The following S100Z variants were observed in gnomAD, a reference collection of about 807,000 sequenced individuals.
The protein encoded by S100Z is protein S100-Z.
In S100Z, 11 loss-of-function variants were observed where a neutral mutation model predicts 8.5. That is an observed-to-expected ratio of 1.30 (90% CI 0.82 to 2.15). The LOEUF is 2.15. Among genes scored for constraint, S100Z ranks in the 30% most tolerant of loss-of-function variants. The pLI is 0.00. For synonymous variants in S100Z, 34 were observed against 43.8 expected (o/e 0.78, Z 0.89); for missense variants, 126 against 117.9 (o/e 1.07, Z -0.32).
rs1323158236 is a variant in S100Z, at chr5:76,920,880, T to C, written c.*166T>C. 1 of 152,198 alleles carries C rather than the reference T, an allele frequency of 6.6e-6. No homozygotes were observed. The highest frequency in any genetic ancestry group is 1.5e-5 in the Non-Finnish European group (1 of 68,032). The allele number at this position is 152,198 out of a possible 1,614,324, so 9.4% of individuals were successfully genotyped here. ...GCTGCTTGAGCCCTTCCCATGCTCA[T>C]AAATTAGGTAAGGAGCAGTGAGGAA... On this transcript the variant is annotated 3_prime_UTR_variant, in exon 5 of 5. Transcript: ENST00000317593.
chr5:76,937,701 C>T, the S100Z span, among the ~76,000 whole-genome samples: 1 of 130,644 alleles, frequency 7.7e-6, no homozygotes, highest in South Asian at 2.5e-4. Flanking sequence ...TGCAGTAAGC[C>T]ATGATTGCGC....
At chr5:76,934,281 A>C in the S100Z span, among the ~76,000 whole-genome samples, 1 of 152,206 alleles carries the variant, frequency 6.6e-6, no homozygotes, top group Non-Finnish European at 1.5e-5. Context: ...CTTCTAAACG[A>C]TAATCCTTGT....
the S100Z span, among the ~76,000 whole-genome samples, chr5:76,945,534 C>T: frequency 4.6e-5 from 7 of 152,326 alleles, no homozygotes; most frequent in South Asian, 4.1e-4. Flanking sequence ...CGCCCTGTGG[C>T]GGGAGGCGAG....
chr5:76,886,210 G>A (rs1389096085), intron 4 of S100Z, among the ~76,000 whole-genome samples: 2 of 152,206 alleles, frequency 1.3e-5, no homozygotes, highest in African/African-American at 2.4e-5. Flanking sequence ...TGAATAATCA[G>A]GCAGGCGACC....
At chr5:76,860,304 T>C (rs1392923318) in intron 1 of S100Z, among the ~76,000 whole-genome samples, 1 of 152,176 alleles carries the variant, frequency 6.6e-6, no homozygotes, top group African/African-American at 2.4e-5. Flanking sequence ...CCAGCAACTT[T>C]CACCTCATCT....
rs917810234 is a variant in S100Z at position 76,897,194 on chromosome 5, T to C, written c.*2+19360T>C. Among the ~76,000 whole-genome samples, 49 of 152,220 alleles carry C rather than the reference T, an allele frequency of 3.2e-4. 1 individual carries two copies. Among genetic ancestry groups the C allele is most frequent in the African/African-American group, 1.1e-3 (47 of 41,536 alleles). ...TTGGCCGGGTGCGGTGGCTCATGCT[T>C]GTAATCCCAGCACTTTGGGAGGCTG... On this transcript the variant is annotated intron_variant, in intron 4 of 4. Coordinates refer to ENST00000317593, the MANE Select transcript of S100Z (RefSeq NM_130772.4).
At chr5:76,879,694 C>G (rs1221737895) in intron 4 of S100Z, among the ~76,000 whole-genome samples, 1 of 152,014 alleles carries the variant, frequency 6.6e-6, no homozygotes, top group South Asian at 2.1e-4. Context: ...GAAGAAGAAA[C>G]GTCTGACAGT....
chr5:76,863,119 G>C (rs1751114071), intron 1 of S100Z, among the ~76,000 whole-genome samples: 1 of 152,208 alleles, frequency 6.6e-6, no homozygotes, highest in South Asian at 2.1e-4. Context: ...AGAGACATCT[G>C]ACTTTCCTGG....
the S100Z span, among the ~76,000 whole-genome samples, chr5:76,943,292 TC>T: frequency 4.6e-5 from 7 of 152,208 alleles, no homozygotes; most frequent in Non-Finnish European, 1.0e-4. Context: ...CATAGTGGCT[TC>T]CTGGTAGCTG....
Position 76,905,634 on chromosome 5 carries a change from G to A in S100Z, c.*3-15083G>A, listed in dbSNP as rs1257881259. Among the ~76,000 whole-genome samples, 4 of 152,056 alleles carry A rather than the reference G, an allele frequency of 2.6e-5. No homozygotes were observed. In the East Asian group the frequency reaches 5.8e-4, roughly 22 times the overall value. On this transcript the variant is annotated intron_variant, in intron 4 of 4. Coordinates refer to ENST00000317593, the MANE Select transcript of S100Z (RefSeq NM_130772.4). The stretch of plus-strand genomic sequence containing the variant: ...TCACCACGTTATCCAGGATGGTCTC[G>A]ATCTCCTGACCTCGTGATCTGCCTA...
chr5:76,952,007 T>G, the S100Z span, among the ~76,000 whole-genome samples: 1 of 152,218 alleles, frequency 6.6e-6, no homozygotes, highest in Admixed American at 6.5e-5. Context: ...GTAATAATTG[T>G]AATAACAATG....
chr5:76,854,322 G>T (rs1750816947), intron 1 of S100Z, among the ~76,000 whole-genome samples: 1 of 152,202 alleles, frequency 6.6e-6, no homozygotes, highest in South Asian at 2.1e-4. Context: ...GGAAAGTTTG[G>T]AACTTCCTAG....
chr5:76,876,814 T>A (rs1433103500), intron 3 of S100Z, among the ~76,000 whole-genome samples: 1 of 152,202 alleles, frequency 6.6e-6, no homozygotes, highest in East Asian at 1.9e-4. Context: ...CATTTAATGG[T>A]TAGCAGAAAA....
At chr5:76,864,604 A>G (rs1000917959) in intron 1 of S100Z, among the ~76,000 whole-genome samples, 1 of 151,910 alleles carries the variant, frequency 6.6e-6, no homozygotes, top group Non-Finnish European at 1.5e-5. Context: ...GGGTTTTGCC[A>G]TGTTGCCTAG....
chr5:76,904,052 T>G (rs1421811678), intron 4 of S100Z, among the ~76,000 whole-genome samples: 2 of 152,172 alleles, frequency 1.3e-5, no homozygotes, highest in African/African-American at 4.8e-5. Flanking sequence ...ATATGTTTTC[T>G]TTTGTAAAGT....
At chr5:76,864,852 T>G (rs7736104) in intron 1 of S100Z, among the ~76,000 whole-genome samples, 102,109 of 151,850 alleles carry the variant, frequency 0.67, 35,388 homozygotes, top group African/African-American at 0.85. Context: ...GAGACTACAG[T>G]CGCACATCAC....
At chr5:76,855,349 C>T (rs188187559) in intron 1 of S100Z, among the ~76,000 whole-genome samples, 43 of 152,202 alleles carry the variant, frequency 2.8e-4, no homozygotes, top group Middle Eastern at 3.4e-3. Context: ...AATGCCAGCC[C>T]GTGAAAACAG....
At chr5:76,907,344 C>T (rs1287263498) in intron 4 of S100Z, among the ~76,000 whole-genome samples, 1 of 152,038 alleles carries the variant, frequency 6.6e-6, no homozygotes, top group Non-Finnish European at 1.5e-5. Flanking sequence ...AACTCTGTCA[C>T]CCAGGCTGGA....
chr5:76,884,416 A>G (rs745554515), intron 4 of S100Z, among the ~76,000 whole-genome samples: 11 of 152,148 alleles, frequency 7.2e-5, no homozygotes, highest in Non-Finnish European at 1.6e-4. Context: ...GCCAGTGGTT[A>G]TCAGTGTGAG....
Sources: allele counts gnomAD v4.1 joint callset (sites outside exome capture counted in the v4.1 genomes callset), GRCh38; gene constraint gnomAD v4.1.1; transcripts MANE v1.5; gene names NCBI Gene and HGNC (gene_info 2026-07-23, HGNC 2026-07-21).